Variants in FAM135B observed in about 807,000 individuals in gnomAD.
FAM135B encodes family with sequence similarity 135 member B, also known as protein FAM135B.
Under a neutral mutation model 127.7 loss-of-function variants are expected in FAM135B, and 43 were observed. That is an observed-to-expected ratio of 0.34 (90% CI 0.26 to 0.43). The LOEUF is 0.43. Ranked by LOEUF, FAM135B falls within the 20% of genes least tolerant of loss-of-function variation. The pLI is 1.00. For synonymous variants in FAM135B, 670 were observed against 665.1 expected, an observed-to-expected ratio of 1.01 and a Z score of -0.11; for missense variants, 1,558 against 1,725.6, an observed-to-expected ratio of 0.90 and a Z score of 1.72.
chr8:138,332,077 G>A (rs1222258170), intron 2 of FAM135B, among the ~76,000 whole-genome samples: 1 of 152,150 alleles, frequency 6.6e-6, no homozygotes, highest in African/African-American at 2.4e-5. Context: ...TTCTTGTTTG[G>A]TTTGGGTTTA....
intron 3 of FAM135B, among the ~76,000 whole-genome samples, chr8:138,282,099 G>A (rs1824309649): frequency 6.6e-6 from 1 of 152,184 alleles, no homozygotes; most frequent in Admixed American, 6.5e-5. Flanking sequence ...TGAAAATTAT[G>A]TCTCTAAAAC....
At position 138,175,553 on chromosome 8, in the gene FAM135B, C is replaced by T. The variant is rs778237005; in HGVS notation, c.1103+1794G>A. Among the ~76,000 whole-genome samples, 110 of 152,344 alleles carry T rather than the reference C, an allele frequency of 7.2e-4. 1 individual carries two copies. The Middle Eastern group carries it at 0.01, about 14-fold the overall frequency. The stretch of plus-strand genomic sequence containing the variant: ...CGCTGGTTTGCAAGAGCTAACTGTG[C>T]ACATCTCTTCCCAATTCCATATTCA... On this transcript the variant is annotated intron_variant, in intron 11 of 19. Transcript: ENST00000395297.
At chr8:138,341,402 G>C (rs1365891627) in intron 2 of FAM135B, among the ~76,000 whole-genome samples, 1 of 152,108 alleles carries the variant, frequency 6.6e-6, no homozygotes, top group East Asian at 1.9e-4. Flanking sequence ...TGGTTGCCAG[G>C]GCAGGGAGAA....
At chr8:138,186,577 T>C (rs1439128089) in intron 9 of FAM135B, among the ~76,000 whole-genome samples, 2 of 152,116 alleles carry the variant, frequency 1.3e-5, no homozygotes, top group African/African-American at 2.4e-5. Flanking sequence ...GCCAATTCTT[T>C]ACCAAACCAA....
At chr8:138,477,703 C>T (rs967302920) in intron 1 of FAM135B, among the ~76,000 whole-genome samples, 3 of 152,190 alleles carry the variant, frequency 2.0e-5, no homozygotes, top group Non-Finnish European at 4.4e-5. Context: ...TCCTCAGATG[C>T]CCTTTTGGTC....
In FAM135B at chr8:138,242,649, C is replaced by T. The variant is rs2130375312; in HGVS notation, c.669+293G>A. 6.6e-6 allele frequency among the ~76,000 whole-genome samples: 1 copy of T among 152,258 alleles called. No individual in the cohort carries two copies. Among genetic ancestry groups the T allele is most frequent in the East Asian group, 1.9e-4 (1 of 5,160 alleles). On this transcript the variant is annotated intron_variant, in intron 7 of 19. Transcript: ENST00000395297. The surrounding 1 kb of genome is among the most constrained non-coding windows in gnomAD (Gnocchi z 9.6). Reference sequence around the variant, plus strand: ...GTTATCACATAGTCTGAGTGGCCCCCTCACAGCACAGCCTCCTGACCTACA... The same window carrying T: ...GTTATCACATAGTCTGAGTGGCCCCTTCACAGCACAGCCTCCTGACCTACA...
At chr8:138,182,617 T>A (rs1815168427) in intron 9 of FAM135B, among the ~76,000 whole-genome samples, 1 of 152,208 alleles carries the variant, frequency 6.6e-6, no homozygotes. Context: ...TTTAATTAGA[T>A]AATTATAATA....
At chr8:138,157,986 G>A (rs1359136886) in intron 12 of FAM135B, among the ~76,000 whole-genome samples, 3 of 152,168 alleles carry the variant, frequency 2.0e-5, no homozygotes, top group Non-Finnish European at 2.9e-5. Flanking sequence ...AGCCCGCATT[G>A]CCAAGTCAAT....
chr8:138,367,827 C>T, intron 2 of FAM135B, 80 bp downstream of exon 2: 2 of 1,080,004 alleles, frequency 1.9e-6, no homozygotes, highest in Non-Finnish European at 2.8e-6. Context: ...CTGACTTCCC[C>T]ACCTCCACCT....
chr8:138,142,288 CTTTTTTTTTT>C (rs71316322), intron 16 of FAM135B, among the ~76,000 whole-genome samples: 81 of 62,392 alleles, frequency 1.3e-3, no homozygotes, highest in African/African-American at 4.5e-3. Flanking sequence ...TCTGCTTCTT[CTTTTTTTTTT>C]TTTTTTTTTT....
chr8:138,181,294 G>A (rs1815008565), intron 9 of FAM135B, among the ~76,000 whole-genome samples: 2 of 152,246 alleles, frequency 1.3e-5, no homozygotes, highest in South Asian at 4.1e-4. Context: ...ATGGCGGACA[G>A]GGTCAGTCAT....
At chr8:138,280,968 G>C (rs1329344392) in intron 3 of FAM135B, among the ~76,000 whole-genome samples, 1 of 152,124 alleles carries the variant, frequency 6.6e-6, no homozygotes, top group Admixed American at 6.5e-5. Flanking sequence ...TGAGGCTACA[G>C]CTCCTCCGGG....
At chr8:138,470,489 T>C (rs909787817) in intron 1 of FAM135B, among the ~76,000 whole-genome samples, 1 of 152,232 alleles carries the variant, frequency 6.6e-6, no homozygotes, top group Admixed American at 6.5e-5. Flanking sequence ...TATTATCAAA[T>C]ATAATTAGAT....
chr8:138,415,043 A>C (rs1173274005), intron 1 of FAM135B, among the ~76,000 whole-genome samples: 2 of 152,202 alleles, frequency 1.3e-5, no homozygotes, highest in Non-Finnish European at 2.9e-5. Context: ...GGGAAGATGT[A>C]AAACTCAAAG....
intron 3 of FAM135B, among the ~76,000 whole-genome samples, chr8:138,290,241 T>G (rs144458484): frequency 6.6e-6 from 1 of 152,240 alleles, no homozygotes; most frequent in Non-Finnish European, 1.5e-5. Context: ...GAGATATCTG[T>G]TAGAGGAGCA....
intron 7 of FAM135B, among the ~76,000 whole-genome samples, chr8:138,230,431 G>A (rs890053335): frequency 3.9e-5 from 6 of 152,080 alleles, no homozygotes; most frequent in Admixed American, 1.3e-4. Context: ...AAAAATAAGA[G>A]GATAACTGAC....
chr8:138,409,850 A>G (rs1051658544), intron 1 of FAM135B, among the ~76,000 whole-genome samples: 59 of 141,702 alleles, frequency 4.2e-4, no homozygotes, highest in African/African-American at 1.6e-3. Flanking sequence ...ACTCCACTCC[A>G]GCCTGGGCGA....
intron 3 of FAM135B, among the ~76,000 whole-genome samples, chr8:138,277,044 G>A (rs531756575): frequency 3.3e-5 from 5 of 152,206 alleles, no homozygotes; most frequent in Non-Finnish European, 5.9e-5. Context: ...AATGAGCAAG[G>A]TATCCCCATG....
intron 2 of FAM135B, among the ~76,000 whole-genome samples, chr8:138,359,410 C>T (rs961520535): frequency 2.0e-5 from 3 of 152,098 alleles, no homozygotes; most frequent in East Asian, 1.9e-4. Flanking sequence ...GTGGTGTGTC[C>T]AAATCATACC....
Sources: allele counts gnomAD v4.1 joint callset (sites outside exome capture counted in the v4.1 genomes callset), GRCh38; gene constraint gnomAD v4.1.1; non-coding constraint Gnocchi (gnomAD v3.1); transcripts MANE v1.5; gene names NCBI Gene and HGNC (gene_info 2026-07-23, HGNC 2026-07-21).